CD247: variants seen among roughly 807,000 people sequenced by gnomAD.
CD247 encodes the protein CD247 molecule, also known as T-cell surface glycoprotein CD3 zeta chain.
Under a neutral mutation model 30.0 loss-of-function variants are expected in CD247, and 13 were observed. The ratio of observed to expected loss-of-function variants is 0.43; its 90% CI spans 0.28 to 0.69. CD247 has a LOEUF of 0.69. CD247 is among the 30% of genes least tolerant of loss of function. CD247 has a pLI of 0.16. For synonymous variants in CD247, 72 were observed against 80.0 expected (o/e 0.90, Z 0.53); for missense variants, 193 against 212.6 (o/e 0.91, Z 0.57).
At chr1:167,446,794 C>T (rs188551901) in intron 1 of CD247, among the ~76,000 whole-genome samples, 1,949 of 152,226 alleles carry the variant, frequency 0.013, 37 homozygotes, top group African/African-American at 0.045. Context: ...GAGATCGAGA[C>T]CATCCTGGCT....
At chr1:167,507,821 G>A (rs1655208696) in intron 1 of CD247, among the ~76,000 whole-genome samples, 1 of 144,494 alleles carries the variant, frequency 6.9e-6, no homozygotes, top group Admixed American at 6.8e-5. Context: ...GAGTGAAGAA[G>A]GGAGACCCTA....
At chr1:167,509,383 A>AG (rs1162707326) in intron 1 of CD247, among the ~76,000 whole-genome samples, 5 of 151,762 alleles carry the variant, frequency 3.3e-5, no homozygotes, top group Admixed American at 6.6e-5. Context: ...AAAAAAAAAA[A>AG]AAAAAAAGAA....
intron 1 of CD247, among the ~76,000 whole-genome samples, chr1:167,510,218 C>T (rs1019659967): frequency 4.6e-5 from 7 of 152,172 alleles, no homozygotes; most frequent in African/African-American, 1.7e-4. Context: ...AAAACACATC[C>T]CTGCAGATGC....
intron 1 of CD247, among the ~76,000 whole-genome samples, chr1:167,486,354 G>A (rs983117621): frequency 6.6e-6 from 1 of 152,202 alleles, no homozygotes; most frequent in African/African-American, 2.4e-5. Flanking sequence ...GACATGAGCA[G>A]GTCACTTAAC....
intron 1 of CD247, among the ~76,000 whole-genome samples, chr1:167,481,147 TGTGG>T (rs1255425320): frequency 6.6e-6 from 1 of 152,126 alleles, no homozygotes; most frequent in Non-Finnish European, 1.5e-5. Context: ...ATTACCTGTG[TGTGG>T]TGGCATGTTC....
At chr1:167,452,201 G>A (rs2102011947) in intron 1 of CD247, among the ~76,000 whole-genome samples, 1 of 152,202 alleles carries the variant, frequency 6.6e-6, no homozygotes, top group East Asian at 1.9e-4. Context: ...CTCCAGCCTG[G>A]GCAACAAGAG....
chr1:167,486,739 G>C (rs1654224929), intron 1 of CD247, among the ~76,000 whole-genome samples: 1 of 152,222 alleles, frequency 6.6e-6, no homozygotes, highest in Non-Finnish European at 1.5e-5. Flanking sequence ...ACTTATGCGG[G>C]CCACTGCAAG....
chr1:167,434,442 C>T, intron 5 of CD247: 2 of 367,406 alleles, frequency 5.4e-6, no homozygotes, highest in South Asian at 4.4e-5. Flanking sequence ...TGTCTCTTTA[C>T]ACAGCCAAAC....
chr1:167,516,499 A>G (rs1335530306), intron 1 of CD247, among the ~76,000 whole-genome samples: 9 of 152,226 alleles, frequency 5.9e-5, no homozygotes, highest in Admixed American at 5.9e-4. Context: ...GCAAGAAAAG[A>G]GAGAAGACCT....
At chr1:167,439,301 G>C (rs761550761) in intron 3 of CD247, 43 bp downstream of exon 3, 7 of 1,579,402 alleles carry the variant, frequency 4.4e-6, no homozygotes, top group Non-Finnish European at 6.1e-6. Flanking sequence ...CGAGGAGGAG[G>C]CTGCCCTTCC....
intron 1 of CD247, among the ~76,000 whole-genome samples, chr1:167,484,824 T>C (rs1422286340): frequency 6.6e-6 from 1 of 152,182 alleles, no homozygotes; most frequent in Non-Finnish European, 1.5e-5. Flanking sequence ...GGTTCACTTG[T>C]CTCTCACAAC....
chr1:167,511,180 A>G (rs769073664), intron 1 of CD247, among the ~76,000 whole-genome samples: 5 of 152,228 alleles, frequency 3.3e-5, no homozygotes, highest in Non-Finnish European at 7.3e-5. Context: ...ACAAATCTCA[A>G]TTCAGAGTCT....
intron 1 of CD247, 27 bp from the exon 2 acceptor site, chr1:167,440,794 C>G (rs773635894): frequency 3.8e-5 from 58 of 1,523,622 alleles, no homozygotes; most frequent in Non-Finnish European, 4.8e-5. Context: ...AGCTGGTCAG[C>G]CAGGCCCAAG....
chr1:167,511,822 G>A (rs1460995901), intron 1 of CD247, among the ~76,000 whole-genome samples: 1 of 151,970 alleles, frequency 6.6e-6, no homozygotes, highest in Non-Finnish European at 1.5e-5. Flanking sequence ...TCTACTCGTA[G>A]GCAAGTCACC....
chr1:167,455,491 G>C (rs1652602066), intron 1 of CD247, among the ~76,000 whole-genome samples: 1 of 152,232 alleles, frequency 6.6e-6, no homozygotes, highest in Non-Finnish European at 1.5e-5. Flanking sequence ...ATGCAGCCAA[G>C]GTGGGCTCCC....
Position 167,465,315 on chromosome 1 carries a change from T to TTTTTTC in CD247, c.59-24554_59-24549dup, listed in dbSNP as rs1558010478. 4.1e-5 allele frequency among the ~76,000 whole-genome samples: 6 copies of TTTTTTC among 144,936 alleles called. No homozygotes were observed. The East Asian group carries it at 1.2e-3, about 29-fold the overall frequency. The stretch of plus-strand genomic sequence containing the variant: ...CATAGATGCCTTCCACCTTCCTTTT[T>TTTTTTC]TTTTTCTTTTTCTTTTTTTTTTTTT... On this transcript the variant is annotated intron_variant, in intron 1 of 7. Transcript: ENST00000362089.
At position 167,441,617 on chromosome 1, in the gene CD247, T is replaced by C. The variant is rs34921631; in HGVS notation, c.59-850A>G. On this transcript the variant is annotated intron_variant, in intron 1 of 7. Coordinates refer to ENST00000362089, the MANE Select transcript of CD247 (RefSeq NM_198053.3). ...CCTGAAACCCTACTATTTGGTAACA[T>C]TTGATGCATCCTACAAAATGCAGCT... Among the ~76,000 whole-genome samples, 627 of 152,336 alleles carry C rather than the reference T, an allele frequency of 4.1e-3. 6 individuals carry two copies. Among genetic ancestry groups the C allele is most frequent in the African/African-American group, 0.014 (580 of 41,570 alleles).
intron 1 of CD247, among the ~76,000 whole-genome samples, chr1:167,501,378 G>A (rs533775722): frequency 6.6e-6 from 1 of 152,122 alleles, no homozygotes; most frequent in South Asian, 2.1e-4. Flanking sequence ...TCTTAACCAG[G>A]GGTCATACAT....
At chr1:167,471,120 C>T (rs573869088) in intron 1 of CD247, among the ~76,000 whole-genome samples, 1 of 152,114 alleles carries the variant, frequency 6.6e-6, no homozygotes, top group Non-Finnish European at 1.5e-5. Flanking sequence ...ATCTGCCTGC[C>T]TCGGCTTCCC....
Sources: allele counts gnomAD v4.1 joint callset (sites outside exome capture counted in the v4.1 genomes callset), GRCh38; gene constraint gnomAD v4.1.1; transcripts MANE v1.5; gene names NCBI Gene and HGNC (gene_info 2026-07-23, HGNC 2026-07-21).